The following DGAT1 variants were observed in gnomAD, a reference collection of about 807,000 sequenced individuals.
The protein encoded by DGAT1 is ACAT related gene product 1.
In DGAT1, 60 loss-of-function variants were observed where a neutral mutation model predicts 72.6. The ratio of observed to expected loss-of-function variants is 0.83; its 90% confidence interval spans 0.67 to 1.02. The LOEUF is 1.02. Ranked by LOEUF, DGAT1 falls within the 50% of genes least tolerant of loss-of-function variation. The pLI is 0.00. For missense variants in DGAT1, 592 were observed against 670.0 expected (o/e 0.88, Z 1.29); for synonymous variants, 290 against 267.5 (o/e 1.08, Z -0.82).
At chr8:144,320,702 C>T (rs1817427054) in intron 2 of DGAT1, among the ~76,000 whole-genome samples, 1 of 151,986 alleles carries the variant, frequency 6.6e-6, no homozygotes, top group Non-Finnish European at 1.5e-5. Flanking sequence ...GGAACCAGGC[C>T]CAGAGGTAGC....
At chr8:144,319,386 G>A (rs141119050) in intron 2 of DGAT1, among the ~76,000 whole-genome samples, 1,592 of 152,268 alleles carry the variant, frequency 0.01, 24 homozygotes, top group African/African-American at 0.037. Context: ...ACCAGCTGCT[G>A]ATCTGCTCAC....
rs1817607800 is a variant in DGAT1 at position 144,326,799 on chromosome 8, G to C, written c.-163C>G. The C allele has an allele frequency of 2.2e-6, 1 of 453,172 alleles. No individual in the cohort carries two copies. The highest frequency in any genetic ancestry group is 3.1e-6 in the Non-Finnish European group (1 of 321,298). 28.1% of individuals were successfully genotyped at this position (453,172 alleles called of 1,614,324 possible). ...TCACCAGCGCGTTCAACCCGCCCGC[G>C]TCGGGCCCGTCGGCCTCAAGGACAA... is the stretch of plus-strand genomic sequence containing the variant. On this transcript the variant is annotated 5_prime_UTR_variant, in exon 1 of 17. Transcript: ENST00000528718.
At chr8:144,324,180 G>A (rs1022363370) in intron 1 of DGAT1, among the ~76,000 whole-genome samples, 6 of 152,188 alleles carry the variant, frequency 3.9e-5, no homozygotes, top group Non-Finnish European at 5.9e-5. Context: ...CCACGGGGCC[G>A]GAAGAAAGGA....
intron 10 of DGAT1, 25 bp from the exon 11 acceptor site, chr8:144,317,737 C>G (rs781907411): frequency 1.2e-6 from 2 of 1,613,678 alleles, no homozygotes; most frequent in African/African-American, 2.7e-5. Flanking sequence ...ACCACGTCAG[C>G]TCCCAGCCAT....
rs782452538 is a variant in DGAT1 at position 144,318,166 on chromosome 8, G to A, written c.680C>T (p.Ser227Phe). The A allele has an allele frequency of 1.8e-5, 28 of 1,597,736 alleles. No homozygotes were observed. Among genetic ancestry groups the A allele is most frequent in the Non-Finnish European group, 2.4e-5 (28 of 1,170,662 alleles). ...WCRRARAKAA[S>F]AGKKASSAAA... is the part of the protein sequence containing the mutation. ...AGCACTGCTGGCCTTCTTCCCTGCA[G>A]AGGCTACGAGCACAGCAGAGTGGGA... The change falls in exon 8 of 17, where the codon TCT (serine) becomes TTT (phenylalanine). Residue 227 changes from serine (S) to phenylalanine (F), a missense_variant. By Grantham distance (155) the Ser-to-Phe change is radical. Transcript: ENST00000528718.
In DGAT1 at chr8:144,316,837, CGTG is replaced by C; in HGVS notation, c.1311+13_1311+15del. 3 of 1,606,604 alleles carry C rather than the reference CGTG, an allele frequency of 1.9e-6. No individual in the cohort carries two copies. Among genetic ancestry groups the C allele is most frequent in the Non-Finnish European group, 2.5e-6 (3 of 1,177,382 alleles). On this transcript the variant is annotated intron_variant, in intron 16 of 16. Coordinates refer to ENST00000528718, the MANE Select transcript of DGAT1 (RefSeq NM_012079.6). ...GGTAACTGGGCGAGTGAGGAGGCCA[CGTG>C]GGGGTCACTCACCTGAGCCATCATG...
intron 2 of DGAT1, among the ~76,000 whole-genome samples, chr8:144,320,603 C>T (rs1173027681): frequency 3.3e-5 from 5 of 152,274 alleles, no homozygotes; most frequent in Admixed American, 2.0e-4. Flanking sequence ...GCCCTTGTCC[C>T]CGACCTGCCC....
In DGAT1 at chr8:144,317,396, G is replaced by A; in HGVS notation, c.1031C>T (p.Ser344Phe). The A allele has an allele frequency of 6.2e-7, 1 of 1,613,874 alleles. No individual in the cohort carries two copies. The highest frequency in any genetic ancestry group is 1.7e-4 in the Middle Eastern group (1 of 6,060). ...WLIFFYWLFHSCLNAVAELMQ... is the reference protein window; with the variant it reads ...WLIFFYWLFHFCLNAVAELMQ... ...GAGCTCAGCCACGGCATTCAGGCAG[G>A]AGTGGAAGAGCCAGTAGAAGAAGAT... Residue 344 changes from serine to phenylalanine, a missense_variant, in exon 13 of 17, where the codon TCC (serine) becomes TTC (phenylalanine). Transcript: ENST00000528718.
chr8:144,314,919 G>A lies in DGAT1; in HGVS notation c.*1635C>T, dbSNP rs1429656849. The A allele has an allele frequency of 2.3e-5, 23 of 986,134 alleles. No individual in the cohort carries two copies. Among genetic ancestry groups the A allele is most frequent in the African/African-American group, 1.2e-4 (7 of 57,210 alleles). The allele number at this position is 986,134 out of a possible 1,614,324, so 61.1% of individuals were successfully genotyped here. A position where few individuals can be genotyped will look rare whatever the true frequency, so the allele number is the denominator to read the frequency against. On this transcript the variant is annotated 3_prime_UTR_variant, in exon 17 of 17. Coordinates refer to ENST00000528718, the MANE Select transcript of DGAT1 (RefSeq NM_012079.6). ...CTTTATTGAGGGACCAGGGGTGGGC[G>A]CCTCACCTTGGCCCTGGGGGTCTCT...
Position 144,314,589 on chromosome 8 carries a change from CAT to C in DGAT1, c.*1963_*1964del. 3.7e-6 allele frequency: 2 copies of C among 545,362 alleles called. No homozygotes were observed. Among genetic ancestry groups the C allele is most frequent in the Non-Finnish European group, 6.6e-6 (2 of 304,150 alleles). The allele number at this position is 545,362 out of a possible 1,614,324, so 33.8% of individuals were successfully genotyped here. A position where few individuals can be genotyped will look rare whatever the true frequency, so the allele number is the denominator to read the frequency against. Reference sequence around the variant, plus strand: ...ACCTGGACTGACCCTGCAGGTTGTTCATAGTCAGAATTGTATTTTGGATTTTT... The same window carrying C: ...ACCTGGACTGACCCTGCAGGTTGTTCAGTCAGAATTGTATTTTGGATTTTT... On this transcript the variant is annotated 3_prime_UTR_variant, in exon 17 of 17. Coordinates refer to ENST00000528718, the MANE Select transcript of DGAT1 (RefSeq NM_012079.6).
At chr8:144,319,302 G>A (rs782575879) in intron 2 of DGAT1, among the ~76,000 whole-genome samples, 5 of 152,178 alleles carry the variant, frequency 3.3e-5, no homozygotes, top group Non-Finnish European at 7.4e-5. Flanking sequence ...CACACCAGAC[G>A]GTCCCACATG....
chr8:144,316,796 A>T, intron 16 of DGAT1, 57 bp downstream of exon 16: 1 of 1,596,964 alleles, frequency 6.3e-7, no homozygotes, highest in Non-Finnish European at 8.5e-7. Context: ...GGGTCAGCCG[A>T]GGGGTTCAGG....
At position 144,317,018 on chromosome 8, in the gene DGAT1, T is replaced by C. The variant is rs1817255499; in HGVS notation, c.1248+4A>G. ...TGAGGCAAGATGCCCCCCAGAGCAC[T>C]GACCTCGTGGAAGAAGGCCGAGGCC... On this transcript the variant is annotated splice_donor_region_variant and intron_variant, in intron 15 of 16. Coordinates refer to ENST00000528718, the MANE Select transcript of DGAT1 (RefSeq NM_012079.6). 6.2e-7 allele frequency: 1 copy of C among 1,612,254 alleles called. No homozygotes were observed. The highest frequency in any genetic ancestry group is 1.3e-5 in the African/African-American group (1 of 74,994).
chr8:144,321,273 G>T, intron 2 of DGAT1, 48 bp downstream of exon 2: 1 of 1,562,284 alleles, frequency 6.4e-7, no homozygotes, highest in Non-Finnish European at 8.8e-7. Context: ...GCCTGGGACA[G>T]AGCCCCACCT....
At chr8:144,320,693 G>T (rs1472584717) in intron 2 of DGAT1, among the ~76,000 whole-genome samples, 1 of 152,034 alleles carries the variant, frequency 6.6e-6, no homozygotes, top group Non-Finnish European at 1.5e-5. Flanking sequence ...GTGCCAGTGG[G>T]AACCAGGCCC....
chr8:144,323,311 G>A (rs1295929149), intron 1 of DGAT1, among the ~76,000 whole-genome samples: 1 of 152,078 alleles, frequency 6.6e-6, no homozygotes, highest in Non-Finnish European at 1.5e-5. Flanking sequence ...CTTTCTCAGG[G>A]GCCCCTTGAC....
intron 1 of DGAT1, among the ~76,000 whole-genome samples, chr8:144,323,097 C>G (rs143832649): frequency 4.6e-5 from 7 of 152,212 alleles, no homozygotes; most frequent in Non-Finnish European, 8.8e-5. Context: ...CATTTGTTTT[C>G]AGCAGAACAA....
chr8:144,326,193 G>C (rs1392734770), intron 1 of DGAT1, among the ~76,000 whole-genome samples: 1 of 152,034 alleles, frequency 6.6e-6, no homozygotes, highest in Non-Finnish European at 1.5e-5. Context: ...GACCCAAGAG[G>C]ATCTGGATGC....
At chr8:144,318,961 G>A (rs1224663994) in intron 3 of DGAT1, 41 bp from the exon 4 acceptor site, 2 of 1,569,934 alleles carry the variant, frequency 1.3e-6, no homozygotes, top group Non-Finnish European at 1.7e-6. Flanking sequence ...GTGGCAGGTG[G>A]GGCTGTGGGG....
Sources: gnomAD v4.1 joint callset for allele counts (sites outside exome capture counted in the v4.1 genomes callset) on GRCh38, gnomAD v4.1.1 for gene constraint, MANE v1.5 for transcripts, NCBI Gene and HGNC (gene_info 2026-07-23, HGNC 2026-07-21) for gene names.